DLGAP2: variants seen among roughly 807,000 people sequenced by gnomAD.
DLGAP2 encodes disks large-associated protein 2.
In DLGAP2, 26 loss-of-function variants were observed where a neutral mutation model predicts 100.3. The ratio of observed to expected loss-of-function variants is 0.26; its 90% confidence interval spans 0.19 to 0.36. The LOEUF (loss-of-function observed/expected upper bound fraction) is 0.36. Ranked by LOEUF, DLGAP2 falls within the 10% of genes least tolerant of loss-of-function variation. The pLI, the probability that DLGAP2 is intolerant of heterozygous loss-of-function variation, is 1.00. For synonymous variants in DLGAP2, 886 were observed against 630.1 expected (o/e 1.41, Z -6.08); for missense variants, 1,858 against 1,453.2 (o/e 1.28, Z -4.53).
intron 1 of DLGAP2, among the ~76,000 whole-genome samples, chr8:762,552 G>T (rs1485074544): frequency 6.6e-6 from 1 of 152,104 alleles, no homozygotes; most frequent in Non-Finnish European, 1.5e-5. Flanking sequence ...ACTCCCAGGG[G>T]TCACCCCCTG....
At chr8:1,322,208 A>G (rs1800917121) in intron 3 of DLGAP2, among the ~76,000 whole-genome samples, 1 of 152,232 alleles carries the variant, frequency 6.6e-6, no homozygotes, top group Non-Finnish European at 1.5e-5. Flanking sequence ...GCCACTAAAT[A>G]TTTCAGATGT....
At position 1,056,432 on chromosome 8, in the gene DLGAP2, A is replaced by G. The variant is rs544712079; in HGVS notation, c.73+148466A>G. ...TCTTTTTCCTAGTTTGCTTATTTAC[A>G]TGTCTTAATTTTGGAACTTTTTTTC... On this transcript the variant is annotated intron_variant, in intron 2 of 14. Coordinates refer to ENST00000637795, the MANE Select transcript of DLGAP2 (RefSeq NM_001346810.2). Among the ~76,000 whole-genome samples the G allele has an allele frequency of 8.9e-4, 135 of 152,088 alleles. 1 individual carries two copies. The highest frequency in any genetic ancestry group is 3.1e-3 in the African/African-American group (129 of 41,486).
intron 3 of DLGAP2, among the ~76,000 whole-genome samples, chr8:1,389,810 A>G (rs1412617508): frequency 6.6e-6 from 1 of 152,024 alleles, no homozygotes; most frequent in Non-Finnish European, 1.5e-5. Flanking sequence ...CCTTCCCTGC[A>G]AGGATCCAAC....
At position 1,100,532 on chromosome 8, in the gene DLGAP2, G is replaced by A. The variant is rs141673075; in HGVS notation, c.74-158319G>A. Among the ~76,000 whole-genome samples the A allele has an allele frequency of 9.5e-3, 1,450 of 152,202 alleles. 13 individuals are homozygous for A. The highest frequency in any genetic ancestry group is 0.015 in the Non-Finnish European group (1,036 of 68,004). On this transcript the variant is annotated intron_variant, in intron 2 of 14. Transcript: ENST00000637795. ...GGTGTGTGTGTGTGTGTGCGTGCAC[G>A]TGCCTACCCACAGTTTCAGGCACCC...
intron 1 of DLGAP2, among the ~76,000 whole-genome samples, chr8:788,519 C>G (rs1821939838): frequency 6.6e-6 from 1 of 152,190 alleles, no homozygotes; most frequent in South Asian, 2.1e-4. Context: ...GTCCAGGGAG[C>G]TTGTGATTAT....
rs141562807 is a variant in DLGAP2 at position 1,513,438 on chromosome 8, C to T, written c.172+12007C>T. Among the ~76,000 whole-genome samples the T allele has an allele frequency of 9.7e-3, 1,479 of 152,324 alleles. 10 individuals carry two copies. The highest frequency in any genetic ancestry group is 0.013 in the Non-Finnish European group (912 of 68,014). On this transcript the variant is annotated intron_variant, in intron 4 of 14. Transcript: ENST00000637795. ...CCCCACGGAGGCTCGGTGGGATACA[C>T]GTCCGCCTTTCCCTGGGAACAGCTG...
intron 1 of DLGAP2, among the ~76,000 whole-genome samples, chr8:790,983 T>C (rs1258893374): frequency 1.3e-5 from 2 of 152,184 alleles, no homozygotes; most frequent in Non-Finnish European, 2.9e-5. Flanking sequence ...CTTCAAATGA[T>C]GCACCCGCCT....
chr8:1,488,923 C>T (rs560792392), intron 3 of DLGAP2, among the ~76,000 whole-genome samples: 6 of 152,146 alleles, frequency 3.9e-5, no homozygotes, highest in Non-Finnish European at 8.8e-5. Context: ...GGCATGTCAT[C>T]CCCACAGCTA....
chr8:996,696 C>G (rs1046180904), intron 2 of DLGAP2, among the ~76,000 whole-genome samples: 3 of 152,198 alleles, frequency 2.0e-5, no homozygotes, highest in African/African-American at 4.8e-5. Flanking sequence ...GAAACCCCCT[C>G]AAGTTAATCG....
chr8:1,241,287 T>C (rs1249219004), intron 2 of DLGAP2, among the ~76,000 whole-genome samples: 1 of 151,220 alleles, frequency 6.6e-6, no homozygotes, highest in African/African-American at 2.4e-5. Context: ...CCGTGTCTCA[T>C]TCTCTCACAT....
chr8:767,330 G>A (rs980157349), intron 1 of DLGAP2, among the ~76,000 whole-genome samples: 1 of 151,396 alleles, frequency 6.6e-6, no homozygotes, highest in Non-Finnish European at 1.5e-5. Flanking sequence ...AGGTGTTGCT[G>A]GCTACTGGCT....
chr8:1,082,718 T>G (rs762514808), intron 2 of DLGAP2, among the ~76,000 whole-genome samples: 18 of 152,226 alleles, frequency 1.2e-4, no homozygotes, highest in Non-Finnish European at 2.6e-4. Flanking sequence ...GGGTGTGCAC[T>G]CTTTTCTTTG....
At chr8:900,125 G>A (rs193179427) in intron 1 of DLGAP2, among the ~76,000 whole-genome samples, 28 of 152,256 alleles carry the variant, frequency 1.8e-4, no homozygotes, top group East Asian at 9.7e-4. Context: ...TCACGGCGTC[G>A]CTCCTGGGTG....
intron 3 of DLGAP2, among the ~76,000 whole-genome samples, chr8:1,490,295 G>A (rs1028286160): frequency 6.6e-6 from 1 of 152,226 alleles, no homozygotes; most frequent in African/African-American, 2.4e-5. Context: ...GATTGCTCCT[G>A]CCACATCGAA....
At chr8:1,337,409 T>G in intron 3 of DLGAP2, among the ~76,000 whole-genome samples, 1 of 400 alleles carries the variant, frequency 2.5e-3, no homozygotes, top group Non-Finnish European at 7.0e-3. Flanking sequence ...GTGATGATGG[T>G]GATGGTGAGG....
rs146398326 is a variant in DLGAP2 at position 948,854 on chromosome 8, G to A, written c.73+40888G>A. ...TTGGAGCAGAGGCGCGTCCTGGCCT[G>A]AAGCCACTCGGGAGCCAGGGCTGGT... On this transcript the variant is annotated intron_variant, in intron 2 of 14. Transcript: ENST00000637795. 2.2e-4 allele frequency among the ~76,000 whole-genome samples: 34 copies of A among 152,376 alleles called. 1 individual carries two copies. The highest frequency in any genetic ancestry group is 7.7e-4 in the African/African-American group (32 of 41,598).
At chr8:951,494 G>C (rs1799478892) in intron 2 of DLGAP2, among the ~76,000 whole-genome samples, 3 of 152,078 alleles carry the variant, frequency 2.0e-5, no homozygotes, top group Admixed American at 2.0e-4. Context: ...CAGGTGATCT[G>C]CCCGTCTTGG....
At chr8:1,022,800 G>A (rs1476451873) in intron 2 of DLGAP2, among the ~76,000 whole-genome samples, 2 of 151,248 alleles carry the variant, frequency 1.3e-5, no homozygotes, top group Non-Finnish European at 3.0e-5. Context: ...CACTCCAGCC[G>A]CCACCCATCC....
intron 3 of DLGAP2, among the ~76,000 whole-genome samples, chr8:1,346,887 G>A (rs1273089970): frequency 2.6e-5 from 4 of 151,634 alleles, no homozygotes; most frequent in African/African-American, 4.8e-5. Context: ...GAGCTGCGTT[G>A]CACTCACGGT....
Sources: allele counts gnomAD v4.1 joint callset (sites outside exome capture counted in the v4.1 genomes callset), GRCh38; gene constraint gnomAD v4.1.1; transcripts MANE v1.5; gene names NCBI Gene and HGNC (gene_info 2026-07-23, HGNC 2026-07-21).